Variants in KCTD1 observed in about 807,000 individuals in gnomAD.
KCTD1 encodes the protein BTB/POZ domain-containing protein KCTD1.
KCTD1 carries 24 observed loss-of-function variants against 66.0 expected under a neutral mutation model. The observed-to-expected ratio is 0.36, with a 90% CI of 0.26 to 0.51. The LOEUF is 0.51. Ranked by LOEUF, KCTD1 falls within the 20% of genes least tolerant of loss-of-function variation. The pLI is 0.95. For missense variants in KCTD1, 943 were observed against 1,205.2 expected (o/e 0.78, Z 3.22); for synonymous variants, 511 against 517.2 (o/e 0.99, Z 0.16).
At chr18:26,545,584 T>C (rs1985173154) in intron 1 of KCTD1, 1 of 152,002 alleles carries the variant, frequency 6.6e-6, no homozygotes, top group African/African-American at 2.4e-5. Context: ...GGGCCTGCAC[T>C]ATACCTTCAG....
intron 1 of KCTD1, among the ~76,000 whole-genome samples, chr18:26,611,087 T>C (rs1396865350): frequency 2.0e-5 from 3 of 152,196 alleles, no homozygotes; most frequent in Non-Finnish European, 4.4e-5. Flanking sequence ...TAATTACAGG[T>C]GTATTCAGCT....
Position 26,503,631 on chromosome 18 carries a change from T to C in KCTD1, c.1810-2381A>G, listed in dbSNP as rs76974975. On this transcript the variant is annotated intron_variant, in intron 1 of 4. Transcript: ENST00000580059. ...CTGCCTGAGGGTGCTCAGGCGAAAATGAACAGATTTGCAGGGTTAATATTG... is the reference window on the plus strand; with the variant it reads ...CTGCCTGAGGGTGCTCAGGCGAAAACGAACAGATTTGCAGGGTTAATATTG... Among the ~76,000 whole-genome samples, 1,346 of 152,142 alleles carry C rather than the reference T, an allele frequency of 8.8e-3. 17 individuals are homozygous for C. The highest frequency in any genetic ancestry group is 0.031 in the African/African-American group (1,297 of 41,490).
chr18:26,599,658 A>G (rs1986844863), intron 1 of KCTD1: 1 of 1,475,940 alleles, frequency 6.8e-7, no homozygotes, highest in Non-Finnish European at 9.5e-7. Context: ...GAAATCACCC[A>G]GATCCTTCGG....
At chr18:26,577,669 C>A (rs1396410494) in intron 1 of KCTD1, among the ~76,000 whole-genome samples, 2 of 152,102 alleles carry the variant, frequency 1.3e-5, no homozygotes, top group African/African-American at 4.8e-5. Context: ...CCTCAGCCTG[C>A]TGAATGGCTA....
chr18:26,560,218 A>G lies in KCTD1; in HGVS notation c.-15-58968T>C, dbSNP rs536357505. On this transcript the variant is annotated intron_variant, in intron 1 of 4. Coordinates refer to the KCTD1 transcript ENST00000317932. ...TTTAATATAGGTTACATGGGTGTTC[A>G]TTCTCTCTACTTTTGTGTATGACAA... Among the ~76,000 whole-genome samples, 124 of 151,874 alleles carry G rather than the reference A, an allele frequency of 8.2e-4. 1 individual carries two copies. Among genetic ancestry groups the G allele is most frequent in the African/African-American group, 2.9e-3 (122 of 41,430 alleles).
At chr18:26,481,794 T>C (rs1237819448) in intron 2 of KCTD1, among the ~76,000 whole-genome samples, 1 of 152,160 alleles carries the variant, frequency 6.6e-6, no homozygotes, top group Admixed American at 6.5e-5. Flanking sequence ...AAAATAATGA[T>C]GCTGGGCCCC....
chr18:26,498,794 T>G (rs943799173), intron 2 of KCTD1, among the ~76,000 whole-genome samples: 2 of 152,120 alleles, frequency 1.3e-5, no homozygotes, highest in African/African-American at 4.8e-5. Flanking sequence ...AATAGACTCT[T>G]AGAAATATCC....
chr18:26,573,257 G>C (rs905777141), intron 1 of KCTD1, among the ~76,000 whole-genome samples: 3 of 152,110 alleles, frequency 2.0e-5, no homozygotes, highest in African/African-American at 7.2e-5. Context: ...AGGCTGGGGG[G>C]AGGGGAGAAT....
At chr18:26,563,088 T>G (rs1421687215) in intron 1 of KCTD1, among the ~76,000 whole-genome samples, 1 of 152,164 alleles carries the variant, frequency 6.6e-6, no homozygotes, top group African/African-American at 2.4e-5. Context: ...TTCCTCTCCT[T>G]TATGTCAAAT....
At chr18:26,593,507 T>G (rs961217494) in intron 1 of KCTD1, among the ~76,000 whole-genome samples, 262 of 35,568 alleles carry the variant, frequency 7.4e-3, no homozygotes, top group African/African-American at 8.5e-3. Flanking sequence ...AGGAGGAAGA[T>G]GAGGAGGAGG....
chr18:26,544,777 A>G (rs1388842460), intron 1 of KCTD1: 2 of 152,244 alleles, frequency 1.3e-5, no homozygotes, highest in East Asian at 1.9e-4. Flanking sequence ...CTCAGACTTC[A>G]TAAGTGAAAA....
At chr18:26,603,324 T>A (rs1200957293) in intron 1 of KCTD1, among the ~76,000 whole-genome samples, 1 of 150,886 alleles carries the variant, frequency 6.6e-6, no homozygotes, top group East Asian at 2.0e-4. Flanking sequence ...CCCACGTACT[T>A]GGGAGACTGA....
intron 1 of KCTD1, among the ~76,000 whole-genome samples, chr18:26,515,060 G>C (rs1374733513): frequency 6.6e-6 from 1 of 152,168 alleles, no homozygotes; most frequent in Non-Finnish European, 1.5e-5. Context: ...AGACATCTGT[G>C]TTCTTGGAGA....
intron 4 of KCTD1, chr18:26,457,922 C>T (rs1269487190): frequency 6.6e-6 from 1 of 152,266 alleles, no homozygotes; most frequent in Non-Finnish European, 1.5e-5. Flanking sequence ...AATTGATGAT[C>T]GTTATTCACT....
intron 3 of KCTD1, among the ~76,000 whole-genome samples, chr18:26,463,326 C>G (rs188406010): frequency 6.6e-6 from 1 of 151,754 alleles, no homozygotes; most frequent in Non-Finnish European, 1.5e-5. Context: ...TGTGGTGGCC[C>G]GGGCCTGTGG....
intron 1 of KCTD1, among the ~76,000 whole-genome samples, chr18:26,589,359 G>A (rs962257268): frequency 3.9e-5 from 6 of 152,120 alleles, no homozygotes; most frequent in African/African-American, 1.2e-4. Flanking sequence ...CACTTTCCAC[G>A]AATGGTCTTG....
At chr18:26,527,563 C>T (rs550880030) in intron 1 of KCTD1, among the ~76,000 whole-genome samples, 7 of 151,148 alleles carry the variant, frequency 4.6e-5, no homozygotes, top group Admixed American at 1.3e-4. Context: ...CTATTCTATA[C>T]GATACCATAA....
intron 1 of KCTD1, among the ~76,000 whole-genome samples, chr18:26,503,006 T>A (rs1046434019): frequency 6.6e-6 from 1 of 152,260 alleles, no homozygotes. Context: ...AGACTGTGAA[T>A]GCACATGCTT....
intron 1 of KCTD1, among the ~76,000 whole-genome samples, chr18:26,578,057 C>CTTTTTTTTTT (rs11381611): frequency 2.6e-4 from 30 of 117,030 alleles, no homozygotes; most frequent in Non-Finnish European, 4.6e-4. Context: ...TCTTTTCTTT[C>CTTTTTTTTTT]TTTTTTTTTT....
Sources: allele counts gnomAD v4.1 joint callset (sites outside exome capture counted in the v4.1 genomes callset), GRCh38; gene constraint gnomAD v4.1.1; transcripts MANE v1.5; gene names NCBI Gene and HGNC (gene_info 2026-07-23, HGNC 2026-07-21).